The following PTPRG variants were observed in gnomAD, a reference collection of about 807,000 sequenced individuals.
PTPRG encodes receptor-type tyrosine-protein phosphatase gamma.
A neutral mutation model predicts 165.3 loss-of-function variants in PTPRG; 102 were observed. That is an observed-to-expected ratio of 0.62 (90% CI 0.53 to 0.73). PTPRG has a LOEUF of 0.73. PTPRG is among the 30% of genes least tolerant of loss of function. The pLI is 0.00. For synonymous variants in PTPRG, 675 were observed against 669.5 expected, an observed-to-expected ratio of 1.01 and a Z score of -0.13; for missense variants, 1,866 against 1,861.4, an observed-to-expected ratio of 1.00 and a Z score of -0.05.
chr3:61,969,072 A>T (rs1055739615), intron 2 of PTPRG, among the ~76,000 whole-genome samples: 1 of 152,194 alleles, frequency 6.6e-6, no homozygotes, highest in African/African-American at 2.4e-5. Context: ...GTATCAGTTT[A>T]TACATCCTTA....
At chr3:61,800,368 C>G (rs990128994) in intron 2 of PTPRG, among the ~76,000 whole-genome samples, 1 of 151,830 alleles carries the variant, frequency 6.6e-6, no homozygotes, top group Non-Finnish European at 1.5e-5. Context: ...ATACCCTGAG[C>G]ACTAGTAGAG....
chr3:61,935,783 AATTAT>A (rs150754476), intron 2 of PTPRG, among the ~76,000 whole-genome samples: 15,599 of 151,750 alleles, frequency 0.1, 881 homozygotes, highest in Non-Finnish European at 0.13. Context: ...TATATCTTAG[AATTAT>A]ATTAATATTA....
chr3:61,576,288 A>G (rs900988885), intron 1 of PTPRG, among the ~76,000 whole-genome samples: 1 of 152,072 alleles, frequency 6.6e-6, no homozygotes, highest in South Asian at 2.1e-4. Flanking sequence ...GTTCATAGCT[A>G]CTCTTCATAT....
At chr3:62,112,083 G>A (rs1702687648) in intron 5 of PTPRG, among the ~76,000 whole-genome samples, 1 of 151,850 alleles carries the variant, frequency 6.6e-6, no homozygotes, top group Non-Finnish European at 1.5e-5. Context: ...TTGAAGCCCA[G>A]TCACTACCAC....
Position 62,294,915 on chromosome 3 carries a change from A to G in PTPRG, c.*1608A>G, listed in dbSNP as rs1037088397. On this transcript the variant is annotated 3_prime_UTR_variant, in exon 30 of 30. Transcript: ENST00000474889. ...CAGCACTGAGGTTCTATTTATCTTG[A>G]TTTGGCTTTCATAAAGTTTGTCAGA... 8.5e-5 allele frequency: 13 copies of G among 152,080 alleles called. No homozygotes were observed. Among genetic ancestry groups the G allele is most frequent in the Non-Finnish European group, 4.4e-5 (3 of 67,996 alleles). The allele number at this position is 152,080 out of a possible 1,614,324, so 9.4% of individuals were successfully genotyped here.
intron 8 of PTPRG, among the ~76,000 whole-genome samples, chr3:62,186,405 C>CT (rs1705887875): frequency 6.6e-6 from 1 of 151,924 alleles, no homozygotes; most frequent in Non-Finnish European, 1.5e-5. Context: ...CTGGGAGATG[C>CT]TTGCAGCTCA....
chr3:61,718,130 A>G (rs2031886736), intron 1 of PTPRG, among the ~76,000 whole-genome samples: 1 of 151,854 alleles, frequency 6.6e-6, no homozygotes, highest in Admixed American at 6.6e-5. Flanking sequence ...CAGGGAGCCA[A>G]GATCATGCCA....
chr3:61,834,837 G>GGA (rs1452313800), intron 2 of PTPRG, among the ~76,000 whole-genome samples: 1 of 151,868 alleles, frequency 6.6e-6, no homozygotes, highest in Admixed American at 6.6e-5. Flanking sequence ...GAACATTTTG[G>GGA]TTCTGATGTG....
At chr3:61,908,163 C>T (rs1047823435) in intron 2 of PTPRG, among the ~76,000 whole-genome samples, 1 of 144,402 alleles carries the variant, frequency 6.9e-6, no homozygotes, top group Non-Finnish European at 1.5e-5. Context: ...GCCGGGCTCA[C>T]GCCTGTAATC....
At position 62,229,898 on chromosome 3, in the gene PTPRG, G is replaced by A. The variant is rs754693988; in HGVS notation, c.2289-1327G>A. On this transcript the variant is annotated intron_variant, in intron 13 of 29. Transcript: ENST00000474889. The surrounding 1 kb of genome is among the most constrained non-coding windows in gnomAD (Gnocchi z 4.6). ...AATTCCTGAAAGAGTGAATCTGGCA[G>A]AATTCAGAGTAGGGCTAAGGGTTGA... is the stretch of plus-strand genomic sequence containing the variant. Among the ~76,000 whole-genome samples the A allele has an allele frequency of 2.6e-5, 4 of 152,214 alleles. No homozygotes were observed. Among genetic ancestry groups the A allele is most frequent in the Non-Finnish European group, 5.9e-5 (4 of 68,042 alleles).
At chr3:62,188,004 A>G (rs1012373809) in intron 8 of PTPRG, among the ~76,000 whole-genome samples, 24 of 152,312 alleles carry the variant, frequency 1.6e-4, no homozygotes, top group Non-Finnish European at 2.6e-4. Flanking sequence ...CTGTACCATC[A>G]TTCAAGACAA....
chr3:61,893,418 T>G (rs1481134606), intron 2 of PTPRG, among the ~76,000 whole-genome samples: 1 of 152,216 alleles, frequency 6.6e-6, no homozygotes, highest in Non-Finnish European at 1.5e-5. Context: ...AATATCTCTT[T>G]TTAGCATTTT....
At chr3:62,141,491 T>C (rs1458756817) in intron 6 of PTPRG, among the ~76,000 whole-genome samples, 1 of 151,944 alleles carries the variant, frequency 6.6e-6, no homozygotes, top group African/African-American at 2.4e-5. Flanking sequence ...CCCAGCTATT[T>C]TGGGGAGCTG....
At chr3:62,017,657 C>T (rs1034607455) in intron 4 of PTPRG, among the ~76,000 whole-genome samples, 1 of 151,486 alleles carries the variant, frequency 6.6e-6, no homozygotes, top group Non-Finnish European at 1.5e-5. Context: ...ATCTCCTGAC[C>T]TCGTGATCCG....
At chr3:62,087,292 C>G (rs1472277740) in intron 5 of PTPRG, among the ~76,000 whole-genome samples, 1 of 152,108 alleles carries the variant, frequency 6.6e-6, no homozygotes, top group Non-Finnish European at 1.5e-5. Flanking sequence ...TTTGTTTTTT[C>G]CTAGATTTGG....
intron 1 of PTPRG, among the ~76,000 whole-genome samples, chr3:61,693,401 C>T (rs910108824): frequency 2.6e-5 from 4 of 152,304 alleles, no homozygotes; most frequent in African/African-American, 9.6e-5. Context: ...TCTGAACTCT[C>T]ATGGTTAAAT....
chr3:61,899,586 A>G (rs1424441391), intron 2 of PTPRG, among the ~76,000 whole-genome samples: 3 of 152,042 alleles, frequency 2.0e-5, no homozygotes, highest in Non-Finnish European at 4.4e-5. Context: ...CTGTCTATGG[A>G]AAAAAGGGTG....
intron 2 of PTPRG, among the ~76,000 whole-genome samples, chr3:61,803,753 A>C (rs1559620764): frequency 6.6e-6 from 1 of 152,194 alleles, no homozygotes; most frequent in Non-Finnish European, 1.5e-5. Flanking sequence ...GGTGCTCAAA[A>C]GTAATTTCTT....
chr3:62,209,683 G>A (rs1042770078), intron 12 of PTPRG, among the ~76,000 whole-genome samples: 11 of 152,148 alleles, frequency 7.2e-5, no homozygotes, highest in African/African-American at 2.4e-4. Context: ...TGGCATGTCC[G>A]TGGGAACAAG....
Sources: allele counts gnomAD v4.1 joint callset (sites outside exome capture counted in the v4.1 genomes callset), GRCh38; gene constraint gnomAD v4.1.1; non-coding constraint Gnocchi (gnomAD v3.1); transcripts MANE v1.5; gene names NCBI Gene and HGNC (gene_info 2026-07-23, HGNC 2026-07-21).